Variants in CDC25C observed in about 807,000 individuals in gnomAD.
CDC25C encodes cell division cycle 25C.
Under a neutral mutation model 52.5 loss-of-function variants are expected in CDC25C, and 48 were observed. That is an observed-to-expected ratio of 0.91 (90% CI 0.72 to 1.16). The LOEUF (loss-of-function observed/expected upper bound fraction) is 1.16. Ranked by LOEUF, CDC25C falls within the 50% of genes most tolerant of loss-of-function variation. The pLI is 0.00. For missense variants in CDC25C, 510 were observed against 566.1 expected (o/e 0.90, Z 1.01); for synonymous variants, 187 against 206.5 (o/e 0.91, Z 0.81).
intron 7 of CDC25C, among the ~76,000 whole-genome samples, chr5:138,313,209 CTACTAAAA>C (rs1758584311): frequency 6.6e-6 from 1 of 151,780 alleles, no homozygotes; most frequent in South Asian, 2.1e-4. Context: ...AACCTTGTCT[CTACTAAAA>C]ATACAAAAAA....
intron 2 of CDC25C, 95 bp from the exon 3 acceptor site, chr5:138,329,742 T>C: frequency 2.9e-6 from 2 of 686,922 alleles, no homozygotes; most frequent in Non-Finnish European, 4.7e-6. Context: ...TTTTTTTTTT[T>C]TTTTTTGCAG....
chr5:138,285,940 C>G (rs2126633812), intron 13 of CDC25C, 82 bp downstream of exon 13: 1 of 1,540,720 alleles, frequency 6.5e-7, no homozygotes, highest in Non-Finnish European at 8.9e-7. Context: ...TAAGGAGGAG[C>G]AGCAGTTTCT....
At chr5:138,329,137 T>G (rs1256097380) in intron 3 of CDC25C, among the ~76,000 whole-genome samples, 1 of 152,164 alleles carries the variant, frequency 6.6e-6, no homozygotes, top group East Asian at 1.9e-4. Flanking sequence ...TCTCTTGACC[T>G]CGTGACCCGC....
intron 7 of CDC25C, among the ~76,000 whole-genome samples, chr5:138,302,891 T>A (rs1757738287): frequency 6.8e-6 from 1 of 146,872 alleles, no homozygotes; most frequent in African/African-American, 2.5e-5. Flanking sequence ...GAGATCCCCA[T>A]CTCTATAGGG....
intron 7 of CDC25C, among the ~76,000 whole-genome samples, chr5:138,302,089 G>C (rs1264352986): frequency 2.6e-5 from 4 of 151,854 alleles, no homozygotes; most frequent in African/African-American, 9.7e-5. Context: ...CTGCCTCCCT[G>C]ATTCAAGCGA....
upstream of CDC25C, among the ~76,000 whole-genome samples, chr5:138,334,318 C>T (rs1315038232): frequency 6.6e-6 from 1 of 152,128 alleles, no homozygotes; most frequent in Non-Finnish European, 1.5e-5. Context: ...AGTTTGAGGC[C>T]AGCCTGGGCA....
At chr5:138,289,968 GGA>G (rs1288757293) in intron 9 of CDC25C, among the ~76,000 whole-genome samples, 1 of 152,042 alleles carries the variant, frequency 6.6e-6, no homozygotes, top group East Asian at 1.9e-4. Context: ...GGGAAGCCAA[GGA>G]GAGAGAGGAT....
At chr5:138,329,422 AC>A (rs2126841739) in intron 3 of CDC25C, 130 bp downstream of exon 3, 4 of 621,330 alleles carry the variant, frequency 6.4e-6, no homozygotes, top group Admixed American at 2.7e-5. Context: ...TCCTCTAGTT[AC>A]CCACAAAATT....
At position 138,285,597 on chromosome 5, in the gene CDC25C, T is replaced by C; in HGVS notation, c.*95A>G. On this transcript the variant is annotated 3_prime_UTR_variant, in exon 14 of 14. Coordinates refer to ENST00000323760, the MANE Select transcript of CDC25C (RefSeq NM_001790.5). ...GTTGGTTTGCAGAGACATCTTTTAA[T>C]AATCTTGGGTTTGGCCATCCAGAAG... 1 of 1,130,888 alleles carries C rather than the reference T, an allele frequency of 8.8e-7. No individual in the cohort carries two copies. Among genetic ancestry groups the C allele is most frequent in the Non-Finnish European group, 1.3e-6 (1 of 775,272 alleles). The allele number at this position is 1,130,888 out of a possible 1,614,324, so 70.1% of individuals were successfully genotyped here. A position where few individuals can be genotyped will look rare whatever the true frequency, so the allele number is the denominator to read the frequency against.
At chr5:138,326,607 C>G (rs549779002) in intron 4 of CDC25C, among the ~76,000 whole-genome samples, 6 of 152,252 alleles carry the variant, frequency 3.9e-5, no homozygotes, top group African/African-American at 1.4e-4. Context: ...TCCCAAACTT[C>G]TGGGATTACA....
chr5:138,322,920 CACT>C (rs1297765977), intron 6 of CDC25C, among the ~76,000 whole-genome samples: 4 of 151,820 alleles, frequency 2.6e-5, no homozygotes, highest in Non-Finnish European at 5.9e-5. Context: ...TGCACCCAGC[CACT>C]ACTAATTATT....
At chr5:138,308,397 T>A (rs1299407979) in intron 7 of CDC25C, among the ~76,000 whole-genome samples, 1 of 152,226 alleles carries the variant, frequency 6.6e-6, no homozygotes, top group East Asian at 1.9e-4. Flanking sequence ...AAGGATTTTT[T>A]AAATTAACAT....
intron 10 of CDC25C, among the ~76,000 whole-genome samples, chr5:138,287,934 T>G (rs920453527): frequency 6.6e-6 from 1 of 152,226 alleles, no homozygotes; most frequent in South Asian, 2.1e-4. Context: ...AATAGGGGTT[T>G]GGTAAAATAA....
At chr5:138,300,923 A>G (rs1164966270) in intron 7 of CDC25C, among the ~76,000 whole-genome samples, 1 of 152,242 alleles carries the variant, frequency 6.6e-6, no homozygotes, top group Non-Finnish European at 1.5e-5. Context: ...ATCAAAAAAG[A>G]AACCAAAAAA....
chr5:138,287,146 T>A (rs1756312074), intron 11 of CDC25C, 23 bp downstream of exon 11: 1 of 1,532,364 alleles, frequency 6.5e-7, no homozygotes, highest in South Asian at 1.1e-5. Flanking sequence ...CCTCCCCTAC[T>A]AATGGCCACA....
chr5:138,296,559 C>A (rs557331786), intron 7 of CDC25C, among the ~76,000 whole-genome samples: 1 of 151,700 alleles, frequency 6.6e-6, no homozygotes, highest in Non-Finnish European at 1.5e-5. Flanking sequence ...CACAAACATG[C>A]GCCATCATGC....
At chr5:138,293,649 C>CTTT (rs1217960715) in intron 7 of CDC25C, among the ~76,000 whole-genome samples, 2 of 138,348 alleles carry the variant, frequency 1.4e-5, no homozygotes, top group Non-Finnish European at 3.2e-5. Flanking sequence ...TGAAACTTAT[C>CTTT]TTTTTTTTTT....
At chr5:138,336,297 T>G (rs921608403), upstream of CDC25C, among the ~76,000 whole-genome samples, 2 of 152,148 alleles carry the variant, frequency 1.3e-5, no homozygotes, top group Non-Finnish European at 2.9e-5. Context: ...AATGCCCAGC[T>G]AATTTTTGTA....
intron 7 of CDC25C, among the ~76,000 whole-genome samples, chr5:138,314,711 C>T (rs1457507262): frequency 3.5e-5 from 5 of 141,800 alleles, no homozygotes; most frequent in African/African-American, 1.1e-4. Flanking sequence ...TAGGTTCAAG[C>T]GATTCTCCTG....
Sources: gnomAD v4.1 joint callset for allele counts (sites outside exome capture counted in the v4.1 genomes callset) on GRCh38, gnomAD v4.1.1 for gene constraint, MANE v1.5 for transcripts, NCBI Gene and HGNC (gene_info 2026-07-23, HGNC 2026-07-21) for gene names.